RALGPS2: variants seen among roughly 807,000 people sequenced by gnomAD.
RALGPS2 encodes the protein ras-specific guanine nucleotide-releasing factor RalGPS2.
In RALGPS2, 43 loss-of-function variants were observed where a neutral mutation model predicts 86.8. That is an observed-to-expected ratio of 0.50 (90% CI 0.39 to 0.64). RALGPS2 has a LOEUF of 0.64. Ranked by LOEUF, RALGPS2 falls within the 30% of genes least tolerant of loss-of-function variation. The probability of loss-of-function intolerance (pLI) is 0.00; values close to 1 mark genes in which losing one functional copy is unlikely to be tolerated. For missense variants in RALGPS2, 536 were observed against 694.6 expected (o/e 0.77, Z 2.57); for synonymous variants, 243 against 231.3 (o/e 1.05, Z -0.46).
chr1:178,828,828 A>G (rs75400435), intron 7 of RALGPS2, among the ~76,000 whole-genome samples: 20,390 of 152,232 alleles, frequency 0.13, 1,838 homozygotes, highest in East Asian at 0.31. Context: ...GTTGGTGGGA[A>G]TGTAAATTGG....
intron 8 of RALGPS2, among the ~76,000 whole-genome samples, chr1:178,872,937 A>G (rs1172757182): frequency 6.6e-6 from 1 of 152,232 alleles, no homozygotes; most frequent in Non-Finnish European, 1.5e-5. Context: ...GATACTAGAG[A>G]AAGTACATGT....
intron 6 of RALGPS2, among the ~76,000 whole-genome samples, chr1:178,814,058 A>T (rs1483821536): frequency 6.6e-6 from 1 of 152,216 alleles, no homozygotes; most frequent in Admixed American, 6.5e-5. Flanking sequence ...GCCTCTTCAT[A>T]TGCCACCTCC....
At chr1:178,755,092 G>A (rs1469935891) in intron 1 of RALGPS2, among the ~76,000 whole-genome samples, 2 of 152,164 alleles carry the variant, frequency 1.3e-5, no homozygotes, top group Non-Finnish European at 2.9e-5. Flanking sequence ...GAGCCAAAGT[G>A]CCCGGCCAGT....
intron 8 of RALGPS2, among the ~76,000 whole-genome samples, chr1:178,837,713 C>CATGAG: frequency 6.6e-6 from 1 of 151,692 alleles, no homozygotes; most frequent in Non-Finnish European, 1.5e-5. Context: ...GCCCACCGAG[C>CATGAG]CGAAGCAGGG....
chr1:178,765,059 A>G (rs1447177138), intron 1 of RALGPS2, among the ~76,000 whole-genome samples: 1 of 152,012 alleles, frequency 6.6e-6, no homozygotes, highest in African/African-American at 2.4e-5. Context: ...CATGATTGTA[A>G]GTGTCCTGAG....
chr1:178,816,909 A>G (rs1002247131), intron 6 of RALGPS2, among the ~76,000 whole-genome samples: 2 of 151,756 alleles, frequency 1.3e-5, no homozygotes, highest in Non-Finnish European at 2.9e-5. Flanking sequence ...GGGTTTCACC[A>G]TGTTGGCCAA....
chr1:178,849,882 A>G (rs1301366249), intron 8 of RALGPS2: 3 of 152,240 alleles, frequency 2.0e-5, no homozygotes, highest in Admixed American at 6.5e-5. Flanking sequence ...CTTTTTGCTT[A>G]AGCAAAAGTT....
chr1:178,776,559 G>A (rs1481772453), intron 1 of RALGPS2, 123 bp from the exon 2 acceptor site: 2 of 423,970 alleles, frequency 4.7e-6, no homozygotes, highest in Non-Finnish European at 8.4e-6. Context: ...TAGCGACTGA[G>A]CTAAGATAAT....
At chr1:178,791,073 A>T (rs1337237745) in intron 4 of RALGPS2, among the ~76,000 whole-genome samples, 3 of 152,172 alleles carry the variant, frequency 2.0e-5, no homozygotes, top group Admixed American at 6.5e-5. Context: ...GTATATTAAA[A>T]GTATACATAT....
intron 2 of RALGPS2, among the ~76,000 whole-genome samples, chr1:178,783,744 G>A (rs1653508994): frequency 6.6e-6 from 1 of 152,098 alleles, no homozygotes; most frequent in Non-Finnish European, 1.5e-5. Context: ...TTAGCCAGCT[G>A]ATACAGAATA....
At position 178,892,315 on chromosome 1, in the gene RALGPS2, T is replaced by A. The variant is rs1273200760; in HGVS notation, c.1325+8T>A. The A allele has an allele frequency of 6.1e-5, 99 of 1,610,990 alleles. 2 individuals are homozygous for A. The Admixed American group carries it at 1.6e-3, about 27-fold the overall frequency. ...TCACATGAAGGCCAGCAGGTACAAT[T>A]CCCCTGCATTCAGGGGTCACAGAAC... On this transcript the variant is annotated splice_region_variant and intron_variant, in intron 15 of 19. Coordinates refer to ENST00000367635, the MANE Select transcript of RALGPS2 (RefSeq NM_152663.5).
At chr1:178,738,877 C>T (rs1004260339) in intron 1 of RALGPS2, among the ~76,000 whole-genome samples, 1 of 152,144 alleles carries the variant, frequency 6.6e-6, no homozygotes, top group Admixed American at 6.5e-5. Flanking sequence ...TTCTAGATCT[C>T]TAGGGTTACT....
chr1:178,741,067 C>G (rs1285052692), intron 1 of RALGPS2, among the ~76,000 whole-genome samples: 1 of 152,150 alleles, frequency 6.6e-6, no homozygotes, highest in Admixed American at 6.5e-5. Flanking sequence ...TTTTTTGCAA[C>G]TAAGAGTCTA....
intron 5 of RALGPS2, among the ~76,000 whole-genome samples, chr1:178,810,571 G>A (rs1291699222): frequency 2.0e-5 from 3 of 151,152 alleles, no homozygotes; most frequent in African/African-American, 2.4e-5. Flanking sequence ...TTAGAACTGG[G>A]GAGGATTATT....
At chr1:178,772,814 A>AT (rs1652869923) in intron 1 of RALGPS2, among the ~76,000 whole-genome samples, 2 of 152,202 alleles carry the variant, frequency 1.3e-5, no homozygotes, top group Admixed American at 1.3e-4. Context: ...ATTTTTAAAC[A>AT]TTTTTTTGAG....
At chr1:178,731,737 C>T (rs1201833401) in intron 1 of RALGPS2, among the ~76,000 whole-genome samples, 1 of 152,076 alleles carries the variant, frequency 6.6e-6, no homozygotes, top group Non-Finnish European at 1.5e-5. Flanking sequence ...TTTATTTCTT[C>T]TACACTGAAT....
At chr1:178,762,470 C>T (rs1323379425) in intron 1 of RALGPS2, among the ~76,000 whole-genome samples, 4 of 152,164 alleles carry the variant, frequency 2.6e-5, no homozygotes, top group Non-Finnish European at 2.9e-5. Context: ...ACATTCCCAC[C>T]AGCAGCGCAT....
intron 8 of RALGPS2, among the ~76,000 whole-genome samples, chr1:178,852,264 G>A (rs1657220376): frequency 6.6e-6 from 1 of 152,128 alleles, no homozygotes; most frequent in Non-Finnish European, 1.5e-5. Flanking sequence ...ATTTTTGAGA[G>A]TACTTATTCC....
intron 8 of RALGPS2, among the ~76,000 whole-genome samples, chr1:178,871,831 A>T (rs148141115): frequency 6.6e-6 from 1 of 152,326 alleles, no homozygotes; most frequent in Admixed American, 6.5e-5. Flanking sequence ...CTCTGACTCT[A>T]TGCCAGCTAT....
Sources: allele counts gnomAD v4.1 joint callset (sites outside exome capture counted in the v4.1 genomes callset), GRCh38; gene constraint gnomAD v4.1.1; transcripts MANE v1.5; gene names NCBI Gene and HGNC (gene_info 2026-07-23, HGNC 2026-07-21).